The following GPC6 variants were observed in gnomAD, a reference collection of about 807,000 sequenced individuals.
GPC6 encodes the protein glypican-6.
In GPC6, 14 loss-of-function variants were observed where a neutral mutation model predicts 55.2. The observed-to-expected ratio is 0.25, with a 90% confidence interval of 0.17 to 0.40. The LOEUF (loss-of-function observed/expected upper bound fraction) is 0.40, where lower values mean the gene tolerates loss of function less well. GPC6 is among the 10% of genes least tolerant of loss of function. The pLI, the probability that GPC6 is intolerant of heterozygous loss-of-function variation, is 1.00. For missense variants in GPC6, 641 were observed against 708.5 expected (o/e 0.90, Z 1.08); for synonymous variants, 278 against 259.6 (o/e 1.07, Z -0.68).
At chr13:93,539,752 C>T (rs1259456552) in intron 1 of GPC6, among the ~76,000 whole-genome samples, 8 of 149,430 alleles carry the variant, frequency 5.4e-5, no homozygotes, top group Non-Finnish European at 1.2e-4. Flanking sequence ...AGTGCAATGA[C>T]GTGACCTCAG....
At chr13:94,384,787 A>G (rs1037815598) in intron 7 of GPC6, among the ~76,000 whole-genome samples, 3 of 152,164 alleles carry the variant, frequency 2.0e-5, no homozygotes, top group Admixed American at 2.0e-4. Context: ...TTTTTATGGC[A>G]ATACCCTACC....
At chr13:93,414,643 T>G (rs535202976) in intron 1 of GPC6, among the ~76,000 whole-genome samples, 3 of 152,100 alleles carry the variant, frequency 2.0e-5, no homozygotes, top group African/African-American at 7.2e-5. Flanking sequence ...TGGGAATGAG[T>G]ATGTGTGGTG....
chr13:94,004,870 G>C (rs1881948450), intron 3 of GPC6, among the ~76,000 whole-genome samples: 1 of 151,946 alleles, frequency 6.6e-6, no homozygotes, highest in South Asian at 2.1e-4. Context: ...CACCCTGGTG[G>C]TCTCAACATG....
At chr13:93,942,457 C>G (rs1321469946) in intron 3 of GPC6, among the ~76,000 whole-genome samples, 1 of 152,106 alleles carries the variant, frequency 6.6e-6, no homozygotes, top group Non-Finnish European at 1.5e-5. Context: ...GGAGTTGGGA[C>G]TACAGGCACC....
chr13:93,425,169 T>G (rs1289587132), intron 1 of GPC6, among the ~76,000 whole-genome samples: 1 of 152,210 alleles, frequency 6.6e-6, no homozygotes, highest in Non-Finnish European at 1.5e-5. Context: ...GATGAATGAA[T>G]TACAAAAGTT....
At chr13:94,279,115 C>A (rs910493081) in intron 4 of GPC6, among the ~76,000 whole-genome samples, 1 of 152,046 alleles carries the variant, frequency 6.6e-6, no homozygotes. Context: ...AATTTCAGAA[C>A]TTGTTATTGG....
At chr13:93,813,197 C>T (rs1886751066) in intron 2 of GPC6, among the ~76,000 whole-genome samples, 1 of 152,068 alleles carries the variant, frequency 6.6e-6, no homozygotes, top group Non-Finnish European at 1.5e-5. Context: ...TGGAATGATT[C>T]ATAAGGTCAG....
At chr13:93,435,920 T>C (rs1048713813) in intron 1 of GPC6, among the ~76,000 whole-genome samples, 1 of 152,170 alleles carries the variant, frequency 6.6e-6, no homozygotes, top group Non-Finnish European at 1.5e-5. Context: ...AATCTGAATG[T>C]CTTGGCTCAC....
At chr13:94,149,190 G>A (rs1356042086) in intron 4 of GPC6, among the ~76,000 whole-genome samples, 1 of 152,070 alleles carries the variant, frequency 6.6e-6, no homozygotes, top group Non-Finnish European at 1.5e-5. Context: ...CATGGACAGT[G>A]TAAGTACTGA....
chr13:93,912,342 G>A (rs1040085636), intron 3 of GPC6, among the ~76,000 whole-genome samples: 1 of 152,034 alleles, frequency 6.6e-6, no homozygotes, highest in Non-Finnish European at 1.5e-5. Flanking sequence ...ACAATTAATG[G>A]CCTTTTCTGT....
intron 3 of GPC6, among the ~76,000 whole-genome samples, chr13:93,925,427 T>C (rs1877806466): frequency 6.6e-6 from 1 of 152,174 alleles, no homozygotes; most frequent in African/African-American, 2.4e-5. Context: ...ATGAATCTAT[T>C]TGTAGCATGA....
At chr13:93,260,749 G>T (rs1019782232) in intron 1 of GPC6, among the ~76,000 whole-genome samples, 1 of 151,964 alleles carries the variant, frequency 6.6e-6, no homozygotes, top group African/African-American at 2.4e-5. Context: ...TAGTGCTACT[G>T]GGAGAAATTA....
intron 1 of GPC6, among the ~76,000 whole-genome samples, chr13:93,349,365 G>T (rs946159126): frequency 5.0e-4 from 76 of 152,098 alleles, no homozygotes; most frequent in African/African-American, 1.7e-3. Flanking sequence ...CAGAAAAATT[G>T]ATTTTGCTTT....
intron 1 of GPC6, among the ~76,000 whole-genome samples, chr13:93,543,540 A>T (rs989107811): frequency 4.6e-5 from 7 of 152,186 alleles, no homozygotes; most frequent in Middle Eastern, 3.4e-3. Context: ...TGGCCTCATA[A>T]AATGAGTTAG....
At chr13:93,490,175 G>T (rs898402743) in intron 1 of GPC6, among the ~76,000 whole-genome samples, 1 of 151,458 alleles carries the variant, frequency 6.6e-6, no homozygotes, top group Non-Finnish European at 1.5e-5. Context: ...TTTTTAGCAC[G>T]AAGGGCTGTT....
chr13:93,302,899 C>T (rs1438865554), intron 1 of GPC6, among the ~76,000 whole-genome samples: 1 of 152,194 alleles, frequency 6.6e-6, no homozygotes, highest in African/African-American at 2.4e-5. Context: ...AAGTAGCAGT[C>T]ACCTCACTTC....
In GPC6 at chr13:93,612,542, CAA is replaced by C. The variant is rs71123501; in HGVS notation, c.319+67123_319+67124del. Among the ~76,000 whole-genome samples the C allele has an allele frequency of 2.0e-3, 300 of 148,592 alleles. 5 individuals carry two copies. Among genetic ancestry groups the C allele is most frequent in the East Asian group, 0.013 (65 of 4,938 alleles). ...ACACACACACACACACACACACACACAAACTTCATGTGGCATTTGTGCAGTTT... is the reference window on the plus strand; with the variant it reads ...ACACACACACACACACACACACACACACTTCATGTGGCATTTGTGCAGTTT... On this transcript the variant is annotated intron_variant, in intron 2 of 8. Transcript: ENST00000377047.
chr13:94,045,736 A>C (rs986182282), intron 4 of GPC6, among the ~76,000 whole-genome samples: 7 of 146,434 alleles, frequency 4.8e-5, no homozygotes, highest in African/African-American at 1.5e-4. Flanking sequence ...TCCAGCATTC[A>C]TGGATTTTCA....
chr13:93,437,478 A>G (rs1877616264), intron 1 of GPC6, among the ~76,000 whole-genome samples: 1 of 152,258 alleles, frequency 6.6e-6, no homozygotes, highest in Non-Finnish European at 1.5e-5. Flanking sequence ...ACATGATAAG[A>G]AAGTGAAACA....
Sources: allele counts gnomAD v4.1 joint callset (sites outside exome capture counted in the v4.1 genomes callset), GRCh38; gene constraint gnomAD v4.1.1; transcripts MANE v1.5; gene names NCBI Gene and HGNC (gene_info 2026-07-23, HGNC 2026-07-21).